The following ZNF695 variants were observed in gnomAD, a reference collection of about 807,000 sequenced individuals.
ZNF695 encodes the protein zinc finger protein 695, also known as zinc finger protein SBZF3.
A neutral mutation model predicts 11.2 loss-of-function variants in ZNF695; 11 were observed. The ratio of observed to expected loss-of-function variants is 0.98; its 90% CI spans 0.62 to 1.62. The LOEUF is 1.62. Among genes scored for constraint, ZNF695 ranks in the 40% most tolerant of loss-of-function variants. The probability of loss-of-function intolerance (pLI) is 0.00; values close to 1 mark genes in which losing one functional copy is unlikely to be tolerated. For synonymous variants in ZNF695, 190 were observed against 201.4 expected (o/e 0.94, Z 0.48); for missense variants, 559 against 590.5 (o/e 0.95, Z 0.55).
At chr1:247,001,300 T>C (rs1470841651) in intron 1 of ZNF695, among the ~76,000 whole-genome samples, 1 of 151,832 alleles carries the variant, frequency 6.6e-6, no homozygotes. Flanking sequence ...GAGCAGAGGC[T>C]AATGCCTGTA....
rs1353948046 is a variant in ZNF695 at position 247,008,043 on chromosome 1, C to T, written c.-135G>A. The T allele has an allele frequency of 5.0e-6, 5 of 1,007,392 alleles. No homozygotes were observed. Among genetic ancestry groups the T allele is most frequent in the Admixed American group, 3.6e-5 (1 of 28,148 alleles). 62.4% of individuals were successfully genotyped at this position (1,007,392 alleles called of 1,614,324 possible). A position where few individuals can be genotyped will look rare whatever the true frequency, so the allele number is the denominator to read the frequency against. ...GACGGGAACCCAGCACCCCGCCGGC[C>T]GCAAGGAGACAAAGGCCCCGCCAGA... On this transcript the variant is annotated 5_prime_UTR_variant, in exon 1 of 4. Transcript: ENST00000339986.
At chr1:246,970,712 G>C (rs575341432) in intron 4 of ZNF695, among the ~76,000 whole-genome samples, 1 of 152,352 alleles carries the variant, frequency 6.6e-6, no homozygotes, top group African/African-American at 2.4e-5. Flanking sequence ...GAAGACTTAG[G>C]GTGAGGAGTA....
At position 246,987,934 on chromosome 1, in the gene ZNF695, C is replaced by G. The variant is rs199980279; in HGVS notation, c.581G>C (p.Cys194Ser). The G allele has an allele frequency of 6.1e-5, 98 of 1,611,644 alleles. No homozygotes were observed. The African/African-American group carries it at 8.4e-4, about 14-fold the overall frequency. Residue 194 changes from cysteine (C) to serine (S), a missense_variant, in exon 4 of 4, where the codon TGC becomes TCC. Coordinates refer to ENST00000339986, the MANE Select transcript of ZNF695 (RefSeq NM_020394.5). ...FKCKECGNVS[C>S]MSLIMTQQQR... ...CTGTTGAGTCATTATTAAAGACATG[C>G]AAGAGACATTGCCACATTCTTTGCA...
At chr1:246,970,854 C>T (rs551592821) in intron 4 of ZNF695, among the ~76,000 whole-genome samples, 15 of 152,352 alleles carry the variant, frequency 9.8e-5, no homozygotes, top group African/African-American at 3.6e-4. Flanking sequence ...GCAACCTCCA[C>T]CTCCCGAGTT....
chr1:246,974,684 G>C (rs1337172289), intron 4 of ZNF695, among the ~76,000 whole-genome samples: 1 of 152,180 alleles, frequency 6.6e-6, no homozygotes, highest in Non-Finnish European at 1.5e-5. Context: ...CCAGGATAAA[G>C]GGAAAAGGGA....
At chr1:247,007,172 C>G (rs1415918010) in intron 1 of ZNF695, among the ~76,000 whole-genome samples, 1 of 152,164 alleles carries the variant, frequency 6.6e-6, no homozygotes, top group Non-Finnish European at 1.5e-5. Flanking sequence ...CTGGAATAAA[C>G]TCCTTAACAT....
chr1:246,985,028 T>C (rs1668811761), downstream of ZNF695, among the ~76,000 whole-genome samples: 1 of 152,174 alleles, frequency 6.6e-6, no homozygotes. Flanking sequence ...GCCTTCGACA[T>C]TTTTGAGGTT....
At position 246,985,703 on chromosome 1, in the gene ZNF695, A is replaced by G; in HGVS notation, c.*1264T>C. ...ACCTTAATGTGCAATAGGAAAAACA[A>G]CTGACTTGTAAAACTCAAATGTTTC... On this transcript the variant is annotated 3_prime_UTR_variant, in exon 4 of 4. Coordinates refer to ENST00000339986, the MANE Select transcript of ZNF695 (RefSeq NM_020394.5). 1 of 985,386 alleles carries G rather than the reference A, an allele frequency of 1.0e-6. No individual in the cohort carries two copies. Among genetic ancestry groups the G allele is most frequent in the African/African-American group, 1.7e-5 (1 of 57,368 alleles). 61.0% of individuals were successfully genotyped at this position (985,386 alleles called of 1,614,324 possible).
At chr1:246,971,268 T>G (rs74152773) in intron 4 of ZNF695, among the ~76,000 whole-genome samples, 4,326 of 152,302 alleles carry the variant, frequency 0.028, 196 homozygotes, top group African/African-American at 0.098. Context: ...AAGACTTTAG[T>G]CTTCACTGAT....
Position 246,987,019 on chromosome 1 carries a change from T to C in ZNF695, c.1496A>G (p.Lys499Arg), listed in dbSNP as rs1348097508. The C allele has an allele frequency of 6.2e-7, 1 of 1,610,396 alleles. No homozygotes were observed. The highest frequency in any genetic ancestry group is 8.5e-7 in the Non-Finnish European group (1 of 1,178,792). Residue 499 changes from lysine (K) to arginine (R), a missense_variant, in exon 4 of 4, where the codon AAA becomes AGA. Lys to Arg is a conservative substitution (Grantham distance 26, BLOSUM62 2). Transcript: ENST00000339986. Reference protein sequence around the residue: ...EKPYKCEECGKAFNHSAQLAV... With the variant: ...EKPYKCEECGRAFNHSAQLAV... ...AAGTTGTGCAGAGTGGTTAAAGGCT[T>C]TGCCACATTCCTCACACTTGTATGG...
chr1:246,980,648 C>T (rs1045219243), downstream of ZNF695, among the ~76,000 whole-genome samples: 7 of 152,040 alleles, frequency 4.6e-5, no homozygotes, highest in South Asian at 1.5e-3. Context: ...GAACTCCTGA[C>T]CACAACTGAT....
rs1250964154 is a variant in ZNF695 at position 246,987,525 on chromosome 1, G to T, written c.990C>A (p.Gly330=). Residue 330 remains glycine, a synonymous_variant, in exon 4 of 4, where the codon GGC becomes GGA. Transcript: ENST00000339986. ...GGTATGACAACAATTTAAAGACTTT[G>T]CCACATTCTTCACACTTGTAGGGTT... is the stretch of plus-strand genomic sequence containing the variant. The part of the protein sequence containing the change: ...REKPYKCEEC[G]KVFKLLSYLT... 1 of 1,604,684 alleles carries T rather than the reference G, an allele frequency of 6.2e-7. No homozygotes were observed. Among genetic ancestry groups the T allele is most frequent in the African/African-American group, 1.3e-5 (1 of 74,594 alleles).
At chr1:246,981,355 T>C (rs1441887941), downstream of ZNF695, among the ~76,000 whole-genome samples, 1 of 152,158 alleles carries the variant, frequency 6.6e-6, no homozygotes. Flanking sequence ...AACTACCATA[T>C]GACACAGCAA....
At chr1:246,953,919 G>A (rs931413171) in intron 5 of ZNF695, among the ~76,000 whole-genome samples, 27 of 142,900 alleles carry the variant, frequency 1.9e-4, no homozygotes, top group African/African-American at 6.3e-4. Flanking sequence ...GAGTGAGACT[G>A]TCTCAAAACA....
In ZNF695 at chr1:247,003,761, G is replaced by A. The variant is rs1287754521; in HGVS notation, c.4-3687C>T. On this transcript the variant is annotated intron_variant, in intron 1 of 3. Transcript: ENST00000339986. ...GCTAAGACATTTAGTTACTAAATTT[G>A]AGTTCATCTTACATACTTTGGGCTT... Among the ~76,000 whole-genome samples, 4 of 152,136 alleles carry A rather than the reference G, an allele frequency of 2.6e-5. No individual in the cohort carries two copies. The East Asian group carries it at 7.7e-4, about 29-fold the overall frequency.
chr1:246,986,493 A>C lies in ZNF695; in HGVS notation c.*474T>G. 3 of 987,494 alleles carry C rather than the reference A, an allele frequency of 3.0e-6. No homozygotes were observed. The South Asian group carries it at 1.4e-4, about 46-fold the overall frequency. 61.2% of individuals were successfully genotyped at this position (987,494 alleles called of 1,614,324 possible). Reference sequence around the variant, plus strand: ...ATTTACAGTAATGTCTGAAAGTGTCAGTGACTTAGTGCTTTTTACTATGAA... The same window carrying C: ...ATTTACAGTAATGTCTGAAAGTGTCCGTGACTTAGTGCTTTTTACTATGAA... On this transcript the variant is annotated 3_prime_UTR_variant, in exon 4 of 4. Coordinates refer to ENST00000339986, the MANE Select transcript of ZNF695 (RefSeq NM_020394.5).
At position 246,962,999 on chromosome 1, in the gene ZNF695, C is replaced by T. The variant is rs371616174; in HGVS notation, c.488+4696G>A. Among the ~76,000 whole-genome samples, 125 of 152,290 alleles carry T rather than the reference C, an allele frequency of 8.2e-4. 2 individuals carry two copies. The highest frequency in any genetic ancestry group is 2.8e-3 in the African/African-American group (116 of 41,572). ...GCCTTGAAACCTTTCAACGATTCCT[C>T]GCTGCCTTTAGGCTGAAGTCCAAAC... is the stretch of plus-strand genomic sequence containing the variant. On this transcript the variant is annotated intron_variant, in intron 5 of 5. Transcript: ENST00000487338.
chr1:246,997,520 A>G (rs926141918), intron 3 of ZNF695, among the ~76,000 whole-genome samples: 3 of 152,052 alleles, frequency 2.0e-5, no homozygotes, highest in Non-Finnish European at 2.9e-5. Context: ...AAAAAAAAGA[A>G]AAAAGAACTA....
chr1:246,976,029 T>C (rs1668548934), intron 4 of ZNF695, among the ~76,000 whole-genome samples: 1 of 152,182 alleles, frequency 6.6e-6, no homozygotes, highest in Admixed American at 6.5e-5. Context: ...AAGCATAAGA[T>C]GAACAGTTTC....
Sources: gnomAD v4.1 joint callset for allele counts (sites outside exome capture counted in the v4.1 genomes callset) on GRCh38, gnomAD v4.1.1 for gene constraint, MANE v1.5 for transcripts, NCBI Gene and HGNC (gene_info 2026-07-23, HGNC 2026-07-21) for gene names.